DLGAP2: variants seen among roughly 807,000 people sequenced by gnomAD.
DLGAP2 encodes disks large-associated protein 2.
A neutral mutation model predicts 100.3 loss-of-function variants in DLGAP2; 26 were observed. The observed-to-expected ratio is 0.26, with a 90% CI of 0.19 to 0.36. The LOEUF (loss-of-function observed/expected upper bound fraction) is 0.36. Ranked by LOEUF, DLGAP2 falls within the 10% of genes least tolerant of loss-of-function variation. The probability of loss-of-function intolerance (pLI) is 1.00; values close to 1 mark genes in which losing one functional copy is unlikely to be tolerated. For synonymous variants in DLGAP2, 886 were observed against 630.1 expected (o/e 1.41, Z -6.08); for missense variants, 1,858 against 1,453.2 (o/e 1.28, Z -4.53).
Position 927,298 on chromosome 8 carries a change from G to C in DLGAP2, c.73+19332G>C, listed in dbSNP as rs951999493. ...GGGATTTTCTTGAAGCTTCTGTGGCGACTGTTTTCTTACTTGAACATGTTG... is the reference window on the plus strand; with the variant it reads ...GGGATTTTCTTGAAGCTTCTGTGGCCACTGTTTTCTTACTTGAACATGTTG... On this transcript the variant is annotated intron_variant, in intron 2 of 14. Coordinates refer to ENST00000637795, the MANE Select transcript of DLGAP2 (RefSeq NM_001346810.2). 4 of 921,410 alleles carry C rather than the reference G, an allele frequency of 4.3e-6. No homozygotes were observed. In the East Asian group the frequency reaches 4.7e-4, roughly 108 times the overall value. 57.1% of individuals were successfully genotyped at this position (921,410 alleles called of 1,614,324 possible). A position where few individuals can be genotyped will look rare whatever the true frequency, so the allele number is the denominator to read the frequency against.
chr8:900,260 C>T (rs1414135503), intron 1 of DLGAP2, among the ~76,000 whole-genome samples: 6 of 142,710 alleles, frequency 4.2e-5, no homozygotes, highest in East Asian at 2.2e-4. Flanking sequence ...CCCAGGCGGA[C>T]GGTCGGCGCC....
chr8:1,268,495 G>A (rs1190155501), intron 3 of DLGAP2, among the ~76,000 whole-genome samples: 2 of 152,222 alleles, frequency 1.3e-5, no homozygotes, highest in African/African-American at 4.8e-5. Flanking sequence ...CCGCGTTAGA[G>A]TGTCGCCATC....
chr8:1,359,261 G>A (rs1156376170), intron 3 of DLGAP2, among the ~76,000 whole-genome samples: 1 of 152,206 alleles, frequency 6.6e-6, no homozygotes, highest in Non-Finnish European at 1.5e-5. Context: ...TCTCCTCGCT[G>A]CCCTCCCTGC....
At chr8:1,018,933 G>GCCT (rs1801550207) in intron 2 of DLGAP2, 1 of 152,138 alleles carries the variant, frequency 6.6e-6, no homozygotes, top group East Asian at 1.9e-4. Flanking sequence ...CATTAGAACA[G>GCCT]CCTTCACCAT....
chr8:750,570 G>T (rs2132572411), intron 1 of DLGAP2, among the ~76,000 whole-genome samples: 1 of 152,258 alleles, frequency 6.6e-6, no homozygotes, highest in South Asian at 2.1e-4. Context: ...GCCAATGAAT[G>T]GTAACAGAAA....
chr8:1,343,902 G>A (rs767487053), intron 3 of DLGAP2, among the ~76,000 whole-genome samples: 18 of 152,158 alleles, frequency 1.2e-4, no homozygotes, highest in East Asian at 1.2e-3. Context: ...TCACGGGTGC[G>A]AGCTCCCTGC....
At chr8:1,424,314 A>T (rs138253464) in intron 3 of DLGAP2, among the ~76,000 whole-genome samples, 18 of 152,224 alleles carry the variant, frequency 1.2e-4, no homozygotes, top group Non-Finnish European at 2.4e-4. Context: ...AGACTTATTA[A>T]GACGTGCGTA....
chr8:1,632,707 T>A lies in DLGAP2; in HGVS notation c.1591-120T>A, dbSNP rs1438033750. 5.4e-6 allele frequency: 5 copies of A among 923,462 alleles called. No homozygotes were observed. The African/African-American group carries it at 8.3e-5, about 15-fold the overall frequency. The allele number at this position is 923,462 out of a possible 1,614,324, so 57.2% of individuals were successfully genotyped here. On this transcript the variant is annotated intron_variant, in intron 7 of 14. Transcript: ENST00000637795. ...ATGCCCATGCTGACTTCAGGTTAAC[T>A]GTGCTGAACTATGAGGCAGTGAAAG...
At chr8:1,176,257 C>T (rs1184204598) in intron 2 of DLGAP2, among the ~76,000 whole-genome samples, 1 of 152,078 alleles carries the variant, frequency 6.6e-6, no homozygotes, top group African/African-American at 2.4e-5. Context: ...CGTGAGAATT[C>T]CCTCATTACC....
intron 2 of DLGAP2, among the ~76,000 whole-genome samples, chr8:1,046,960 A>AG (rs1419645451): frequency 1.1e-4 from 4 of 36,736 alleles, no homozygotes; most frequent in Non-Finnish European, 1.8e-4. Flanking sequence ...TTAAAATAAT[A>AG]GGTTTTTTTT....
In DLGAP2 at chr8:1,010,181, GCA is replaced by G. The variant is rs111616763; in HGVS notation, c.73+102222_73+102223del. Among the ~76,000 whole-genome samples, 941 of 152,180 alleles carry G rather than the reference GCA, an allele frequency of 6.2e-3. 10 individuals are homozygous for G. The highest frequency in any genetic ancestry group is 0.021 in the African/African-American group (889 of 41,496). On this transcript the variant is annotated intron_variant, in intron 2 of 14. Transcript: ENST00000637795. Reference sequence around the variant, plus strand: ...CACACCTATGCACACACAGACACATGCACACACATGCATGCACATGTGCACAC... The same window carrying G: ...CACACCTATGCACACACAGACACATGCACACATGCATGCACATGTGCACAC...
chr8:1,565,380 T>G, intron 5 of DLGAP2: 1 of 299,200 alleles, frequency 3.3e-6, no homozygotes, highest in Non-Finnish European at 6.1e-6. Flanking sequence ...GAAATAAAAC[T>G]AAATTTTAGC....
At chr8:962,797 G>T (rs1799757862) in intron 2 of DLGAP2, among the ~76,000 whole-genome samples, 1 of 152,174 alleles carries the variant, frequency 6.6e-6, no homozygotes, top group South Asian at 2.1e-4. Flanking sequence ...GCACCCAGGC[G>T]CAGGACACTT....
intron 3 of DLGAP2, among the ~76,000 whole-genome samples, chr8:1,417,170 C>A: frequency 7.6e-6 from 1 of 131,858 alleles, no homozygotes; most frequent in Middle Eastern, 4.5e-3. Context: ...AGGGGAAGCC[C>A]CCGTTCATTT....
intron 3 of DLGAP2, among the ~76,000 whole-genome samples, chr8:1,414,145 A>G (rs1030418839): frequency 6.6e-6 from 1 of 152,188 alleles, no homozygotes; most frequent in Non-Finnish European, 1.5e-5. Context: ...TGAAGTGTTC[A>G]GGGTTGGGGG....
intron 1 of DLGAP2, among the ~76,000 whole-genome samples, chr8:750,340 G>T (rs1479904126): frequency 2.6e-5 from 4 of 152,156 alleles, no homozygotes; most frequent in Non-Finnish European, 5.9e-5. Context: ...AGTAACAAAA[G>T]AAACCAAAAT....
intron 2 of DLGAP2, among the ~76,000 whole-genome samples, chr8:1,010,179 A>G (rs533863972): frequency 2.0e-5 from 3 of 152,310 alleles, no homozygotes; most frequent in African/African-American, 7.2e-5. Context: ...ACACAGACAC[A>G]TGCACACACA....
At chr8:907,452 A>C (rs1183437348) in intron 1 of DLGAP2, among the ~76,000 whole-genome samples, 1 of 152,160 alleles carries the variant, frequency 6.6e-6, no homozygotes, top group African/African-American at 2.4e-5. Flanking sequence ...TACAGCCCTT[A>C]CTTTCACATT....
At chr8:879,301 A>G (rs1233557558) in intron 1 of DLGAP2, among the ~76,000 whole-genome samples, 2 of 152,196 alleles carry the variant, frequency 1.3e-5, no homozygotes, top group Non-Finnish European at 2.9e-5. Flanking sequence ...CATTCCCCGG[A>G]GAAGAAATTT....
Sources: gnomAD v4.1 joint callset for allele counts (sites outside exome capture counted in the v4.1 genomes callset) on GRCh38, gnomAD v4.1.1 for gene constraint, MANE v1.5 for transcripts, NCBI Gene and HGNC (gene_info 2026-07-23, HGNC 2026-07-21) for gene names.